CCDC7: variants seen among roughly 807,000 people sequenced by gnomAD.
The protein encoded by CCDC7 is coiled-coil domain containing 7.
In CCDC7, 183 loss-of-function variants were observed where a neutral mutation model predicts 196.9. The observed-to-expected ratio is 0.93, with a 90% CI of 0.82 to 1.05. CCDC7 has a LOEUF of 1.05. Ranked by LOEUF, CCDC7 falls within the 50% of genes least tolerant of loss-of-function variation. The pLI, the probability that CCDC7 is intolerant of heterozygous loss-of-function variation, is 0.00. For synonymous variants in CCDC7, 525 were observed against 484.6 expected, an observed-to-expected ratio of 1.08 and a Z score of -1.10; for missense variants, 1,540 against 1,482.2, an observed-to-expected ratio of 1.04 and a Z score of -0.64.
At chr10:32,507,461 T>C (rs2045379903) in intron 9 of CCDC7, among the ~76,000 whole-genome samples, 2 of 152,166 alleles carry the variant, frequency 1.3e-5, no homozygotes, top group African/African-American at 4.8e-5. Context: ...ATTACCATTT[T>C]GTTTTTTGAG....
chr10:32,877,885 T>C (rs1481121607), downstream of CCDC7, among the ~76,000 whole-genome samples: 2 of 152,090 alleles, frequency 1.3e-5, no homozygotes, highest in Non-Finnish European at 2.9e-5. Context: ...ATGGAGCTTA[T>C]TGTTTGAAGA....
rs561628713 is a variant in CCDC7, at chr10:32,663,801, ATAAT to A, written c.2015-249_2015-246del. 2.3e-4 allele frequency among the ~76,000 whole-genome samples: 33 copies of A among 141,198 alleles called. No individual in the cohort carries two copies. The East Asian group carries it at 4.6e-3, about 20-fold the overall frequency. 92.6% of individuals were successfully genotyped at this position (141,198 alleles called of 152,430 possible). ...GAATATATATTAATCTAAATTATAA[ATAAT>A]TAAGAACAAGTAGAGGCTAATATAA... is the stretch of plus-strand genomic sequence containing the variant. On this transcript the variant is annotated intron_variant, in intron 20 of 41. Coordinates refer to ENST00000639629, the Ensembl canonical transcript of CCDC7.
At chr10:32,799,988 A>G (rs1016934323) in intron 29 of CCDC7, among the ~76,000 whole-genome samples, 1 of 152,214 alleles carries the variant, frequency 6.6e-6, no homozygotes, top group African/African-American at 2.4e-5. Flanking sequence ...AGCAAAAGGC[A>G]TTTGCCAAGT....
intron 16 of CCDC7, among the ~76,000 whole-genome samples, chr10:32,579,061 G>A (rs1005862987): frequency 5.9e-5 from 9 of 152,242 alleles, no homozygotes; most frequent in African/African-American, 1.9e-4. Context: ...GATTATTAAA[G>A]GTATATGTAC....
intron 8 of CCDC7, among the ~76,000 whole-genome samples, chr10:32,487,793 A>C (rs566248385): frequency 1.7e-4 from 26 of 152,324 alleles, no homozygotes; most frequent in Admixed American, 1.4e-3. Context: ...GAGGCTGCAG[A>C]ACAGCAGATA....
At chr10:32,640,452 C>T (rs977179054) in intron 20 of CCDC7, among the ~76,000 whole-genome samples, 44 of 152,148 alleles carry the variant, frequency 2.9e-4, no homozygotes, top group Non-Finnish European at 5.1e-4. Flanking sequence ...TGGGTCTTGA[C>T]TCTTTATCCA....
chr10:32,475,910 G>T (rs1235923150), intron 8 of CCDC7, among the ~76,000 whole-genome samples: 1 of 152,118 alleles, frequency 6.6e-6, no homozygotes, highest in Non-Finnish European at 1.5e-5. Flanking sequence ...ATTTTTTAGA[G>T]AAGTTTTAGG....
chr10:32,825,695 C>T (rs530281766), intron 32 of CCDC7, among the ~76,000 whole-genome samples: 15 of 152,136 alleles, frequency 9.9e-5, no homozygotes, highest in Non-Finnish European at 1.8e-4. Flanking sequence ...TGTGATTAAA[C>T]ACAAAAATGT....
chr10:32,488,100 A>C (rs897302035), intron 8 of CCDC7, among the ~76,000 whole-genome samples: 15 of 152,214 alleles, frequency 9.9e-5, no homozygotes, highest in African/African-American at 3.6e-4. Flanking sequence ...CTACAGAGGC[A>C]GACAGGCCTC....
intron 18 of CCDC7, among the ~76,000 whole-genome samples, chr10:32,617,204 T>C (rs546012426): frequency 7.2e-4 from 109 of 151,970 alleles, no homozygotes; most frequent in African/African-American, 2.4e-3. Context: ...GTCTACTTAG[T>C]TTTTGTCAAT....
At chr10:32,762,428 C>G (rs1030287415) in intron 28 of CCDC7, among the ~76,000 whole-genome samples, 1 of 151,452 alleles carries the variant, frequency 6.6e-6, no homozygotes, top group African/African-American at 2.4e-5. Flanking sequence ...CACATAGATT[C>G]AACACAGTGC....
intron 18 of CCDC7, among the ~76,000 whole-genome samples, chr10:32,616,008 A>G (rs1320048792): frequency 3.3e-5 from 5 of 152,086 alleles, no homozygotes; most frequent in African/African-American, 1.2e-4. Flanking sequence ...ATTCTCTTCC[A>G]TTGATCTGTG....
chr10:32,852,610 A>C (rs1342545), intron 40 of CCDC7, among the ~76,000 whole-genome samples: 133,541 of 152,090 alleles, frequency 0.88, 59,704 homozygotes, highest in East Asian at 1. Context: ...AGAGTTTGAA[A>C]CTTTTAAAAA....
chr10:32,774,886 A>G (rs1592627597), intron 28 of CCDC7, among the ~76,000 whole-genome samples: 1 of 152,270 alleles, frequency 6.6e-6, no homozygotes, highest in Non-Finnish European at 1.5e-5. Flanking sequence ...TGGGAAATGG[A>G]TAGATTCTGT....
At chr10:32,526,044 T>C (rs1290127188) in intron 11 of CCDC7, among the ~76,000 whole-genome samples, 2 of 152,178 alleles carry the variant, frequency 1.3e-5, no homozygotes, top group African/African-American at 4.8e-5. Flanking sequence ...TGTTCAGAGA[T>C]GCTGGCTGGG....
chr10:32,724,284 A>T (rs2082807131), intron 25 of CCDC7, among the ~76,000 whole-genome samples: 1 of 152,050 alleles, frequency 6.6e-6, no homozygotes, highest in South Asian at 2.1e-4. Context: ...CTCCCAAAAA[A>T]TTTCCATGGG....
chr10:32,874,063 T>A (rs2094520061), intron 41 of CCDC7, among the ~76,000 whole-genome samples: 1 of 151,290 alleles, frequency 6.6e-6, no homozygotes, highest in Admixed American at 6.6e-5. Context: ...AAGTAACTAG[T>A]CTCAAGCATT....
chr10:32,756,209 C>G (rs2076414692), intron 28 of CCDC7, among the ~76,000 whole-genome samples: 1 of 152,048 alleles, frequency 6.6e-6, no homozygotes, highest in Non-Finnish European at 1.5e-5. Flanking sequence ...GAGAATTTCC[C>G]CAACCTAGCA....
intron 8 of CCDC7, among the ~76,000 whole-genome samples, chr10:32,485,552 G>T (rs2040885850): frequency 6.6e-6 from 1 of 152,082 alleles, no homozygotes; most frequent in African/African-American, 2.4e-5. Context: ...GAATGTGTTT[G>T]CTCTTGCTTC....
Sources: gnomAD v4.1 joint callset for allele counts (sites outside exome capture counted in the v4.1 genomes callset) on GRCh38, gnomAD v4.1.1 for gene constraint, MANE v1.5 for transcripts, NCBI Gene and HGNC (gene_info 2026-07-23, HGNC 2026-07-21) for gene names.